SCMH1: variants seen among roughly 807,000 people sequenced by gnomAD.
SCMH1 encodes Scm polycomb group protein homolog 1.
A neutral mutation model predicts 70.8 loss-of-function variants in SCMH1; 37 were observed. The ratio of observed to expected loss-of-function variants is 0.52; its 90% CI spans 0.40 to 0.69. The LOEUF is 0.69. Among genes scored for constraint, SCMH1 ranks in the 30% least tolerant of loss-of-function variants. SCMH1 has a pLI of 0.00. For synonymous variants in SCMH1, 292 were observed against 307.4 expected (o/e 0.95, Z 0.52); for missense variants, 607 against 827.3 (o/e 0.73, Z 3.27).
chr1:41,093,140 T>G (rs1225338746), intron 8 of SCMH1, among the ~76,000 whole-genome samples: 1 of 151,750 alleles, frequency 6.6e-6, no homozygotes, highest in Admixed American at 6.6e-5. Flanking sequence ...CCATCAATGA[T>G]AGACTGGATT....
intron 8 of SCMH1, 64 bp from the exon 9 acceptor site, chr1:41,075,515 A>G (rs1383748133): frequency 3.6e-6 from 5 of 1,399,688 alleles, no homozygotes; most frequent in East Asian, 4.6e-5. Flanking sequence ...CAGCCAGAAG[A>G]AAAAAAGGAC....
At chr1:41,216,184 G>C (rs935689241) in intron 1 of SCMH1, among the ~76,000 whole-genome samples, 7 of 152,180 alleles carry the variant, frequency 4.6e-5, no homozygotes, top group African/African-American at 1.7e-4. Flanking sequence ...TCTCTCACTA[G>C]CAGTGCCATG....
intron 1 of SCMH1, among the ~76,000 whole-genome samples, chr1:41,188,806 T>C (rs1345876573): frequency 1.3e-5 from 2 of 152,188 alleles, no homozygotes; most frequent in Non-Finnish European, 2.9e-5. Context: ...ATTATTAATA[T>C]ATAATTATCA....
chr1:41,031,537 G>A (rs1056153187), intron 13 of SCMH1, among the ~76,000 whole-genome samples: 1 of 152,196 alleles, frequency 6.6e-6, no homozygotes, highest in Admixed American at 6.5e-5. Flanking sequence ...TTGGGCACTG[G>A]GGAGAGGTAT....
chr1:41,229,751 T>A (rs1241310703), intron 1 of SCMH1, among the ~76,000 whole-genome samples: 3 of 151,728 alleles, frequency 2.0e-5, no homozygotes, highest in South Asian at 2.1e-4. Context: ...AAAAAAAAAA[T>A]AAGATTGGCA....
chr1:41,195,950 TA>T (rs1164872440), intron 1 of SCMH1, among the ~76,000 whole-genome samples: 1 of 152,034 alleles, frequency 6.6e-6, no homozygotes, highest in Non-Finnish European at 1.5e-5. Context: ...ATTAAGAAAA[TA>T]ATTCCATTTA....
At position 41,056,863 on chromosome 1, in the gene SCMH1, G is replaced by C. The variant is rs1458336365; in HGVS notation, c.1106-7973C>G. 2.6e-5 allele frequency among the ~76,000 whole-genome samples: 4 copies of C among 152,092 alleles called. No homozygotes were observed. In the South Asian group the frequency reaches 8.3e-4, roughly 32 times the overall value. ...CCGGATTCTCACAGTAAATATAAGA[G>C]AAAAATACCCTCATGCTTTTGGCAG... On this transcript the variant is annotated intron_variant, in intron 10 of 14. Coordinates refer to ENST00000337495, the Ensembl canonical transcript of SCMH1.
intron 13 of SCMH1, among the ~76,000 whole-genome samples, chr1:41,035,186 T>A (rs1305744738): frequency 6.6e-6 from 1 of 152,236 alleles, no homozygotes; most frequent in African/African-American, 2.4e-5. Flanking sequence ...TATCCTGATT[T>A]AGCCTTGCAT....
chr1:41,135,535 C>A (rs1363885980), intron 6 of SCMH1, among the ~76,000 whole-genome samples: 1 of 152,174 alleles, frequency 6.6e-6, no homozygotes, highest in Non-Finnish European at 1.5e-5. Flanking sequence ...TCCCCTTCCA[C>A]CATGAATGTA....
chr1:41,084,157 A>G lies in SCMH1; in HGVS notation c.746-8706T>C, dbSNP rs567307065. 6.6e-5 allele frequency among the ~76,000 whole-genome samples: 10 copies of G among 152,362 alleles called. No individual in the cohort carries two copies. The East Asian group carries it at 1.7e-3, about 26-fold the overall frequency. ...AAATTAAACTAAAGAGCTTCTGCAC[A>G]GCAAAAGAGACTACCATCAGAGTGA... On this transcript the variant is annotated intron_variant, in intron 8 of 14. Coordinates refer to ENST00000337495, the Ensembl canonical transcript of SCMH1.
chr1:41,083,569 C>T (rs1344574545), intron 8 of SCMH1, among the ~76,000 whole-genome samples: 4 of 152,178 alleles, frequency 2.6e-5, no homozygotes, highest in Non-Finnish European at 5.9e-5. Flanking sequence ...TTTATAGATT[C>T]AATGCCATCT....
chr1:41,222,415 T>G (rs1437092487), intron 1 of SCMH1, among the ~76,000 whole-genome samples: 2 of 152,182 alleles, frequency 1.3e-5, no homozygotes, highest in Admixed American at 6.5e-5. Flanking sequence ...ATCTTTAGAT[T>G]TTATAGTTAT....
intron 2 of SCMH1, among the ~76,000 whole-genome samples, chr1:41,172,394 T>C (rs909023028): frequency 2.0e-5 from 3 of 151,802 alleles, no homozygotes; most frequent in Non-Finnish European, 4.4e-5. Context: ...GAAAGATCTC[T>C]ACAAGGGAAA....
chr1:41,205,427 G>A (rs1655295275), intron 1 of SCMH1, among the ~76,000 whole-genome samples: 1 of 152,240 alleles, frequency 6.6e-6, no homozygotes, highest in Non-Finnish European at 1.5e-5. Context: ...TGCCCATGGA[G>A]CCTTGCTCAC....
intron 1 of SCMH1, among the ~76,000 whole-genome samples, chr1:41,205,684 A>T (rs1475394599): frequency 6.6e-6 from 1 of 152,244 alleles, no homozygotes; most frequent in Non-Finnish European, 1.5e-5. Flanking sequence ...AAAAGGCAGC[A>T]GACAACTTCT....
At chr1:41,189,304 C>G (rs1471743980) in intron 1 of SCMH1, among the ~76,000 whole-genome samples, 1 of 152,182 alleles carries the variant, frequency 6.6e-6, no homozygotes, top group Non-Finnish European at 1.5e-5. Flanking sequence ...TGCCTGTCAC[C>G]AAGCCTGGCT....
chr1:41,205,336 C>T (rs148747645), intron 1 of SCMH1, among the ~76,000 whole-genome samples: 50 of 152,326 alleles, frequency 3.3e-4, no homozygotes, highest in African/African-American at 1.1e-3. Context: ...TACACCTCTG[C>T]CCAAATACTG....
chr1:41,075,470 T>C lies in SCMH1; in HGVS notation c.746-19A>G. ...ATCACAACTGCAAGAAAAAGACTCA[T>C]TCTATCACCCTCCCTCCCCCCTGCA... is the stretch of plus-strand genomic sequence containing the variant. On this transcript the variant is annotated intron_variant, in intron 8 of 14. Coordinates refer to ENST00000337495, the Ensembl canonical transcript of SCMH1. 6.3e-7 allele frequency: 1 copy of C among 1,593,664 alleles called. No homozygotes were observed.
At chr1:41,183,710 T>C (rs912819742) in intron 2 of SCMH1, among the ~76,000 whole-genome samples, 1 of 152,150 alleles carries the variant, frequency 6.6e-6, no homozygotes, top group Non-Finnish European at 1.5e-5. Context: ...AGAGAAAAAT[T>C]ACCCATATTA....
Sources: gnomAD v4.1 joint callset for allele counts (sites outside exome capture counted in the v4.1 genomes callset) on GRCh38, gnomAD v4.1.1 for gene constraint, MANE v1.5 for transcripts, NCBI Gene and HGNC (gene_info 2026-07-23, HGNC 2026-07-21) for gene names.